ARHGAP22: variants seen among roughly 807,000 people sequenced by gnomAD.
ARHGAP22 encodes Rho GTPase activating protein 22, also known as rho GTPase-activating protein 22.
In ARHGAP22, 48 loss-of-function variants were observed where a neutral mutation model predicts 59.1. The observed-to-expected ratio is 0.81, with a 90% confidence interval of 0.64 to 1.03. The LOEUF (loss-of-function observed/expected upper bound fraction) is 1.03, where lower values mean the gene tolerates loss of function less well. Among genes scored for constraint, ARHGAP22 ranks in the 50% least tolerant of loss-of-function variants. The pLI is 0.00. For synonymous variants in ARHGAP22, 445 were observed against 416.4 expected (o/e 1.07, Z -0.84); for missense variants, 1,015 against 958.7 (o/e 1.06, Z -0.78).
At chr10:48,595,793 G>A (rs1336343409) in intron 1 of ARHGAP22, among the ~76,000 whole-genome samples, 1 of 152,082 alleles carries the variant, frequency 6.6e-6, no homozygotes, top group East Asian at 1.9e-4. Flanking sequence ...TTACAGGCAT[G>A]AGCTACTACA....
At chr10:48,548,226 A>G (rs932256120) in intron 3 of ARHGAP22, among the ~76,000 whole-genome samples, 2 of 151,894 alleles carry the variant, frequency 1.3e-5, no homozygotes, top group African/African-American at 2.4e-5. Context: ...TGCCCCTTCC[A>G]CAAGTGTCAC....
intron 1 of ARHGAP22, among the ~76,000 whole-genome samples, chr10:48,601,990 A>G (rs1048267565): frequency 6.6e-6 from 1 of 152,254 alleles, no homozygotes; most frequent in African/African-American, 2.4e-5. Context: ...AGGCCTTAGC[A>G]TTGGACAGAC....
intron 2 of ARHGAP22, among the ~76,000 whole-genome samples, chr10:48,566,277 C>A (rs1025091819): frequency 6.6e-6 from 1 of 152,136 alleles, no homozygotes; most frequent in African/African-American, 2.4e-5. Context: ...GGCCTCAGAT[C>A]AATCTTAAAA....
In ARHGAP22 at chr10:48,450,553, G is replaced by C. The variant is rs1426343305; in HGVS notation, c.1576C>G (p.Leu526Val). The C allele has an allele frequency of 2.0e-6, 3 of 1,524,146 alleles. No homozygotes were observed. In the African/African-American group the frequency reaches 4.1e-5, roughly 21 times the overall value. 94.4% of individuals were successfully genotyped at this position (1,524,146 alleles called of 1,614,324 possible). A position where few individuals can be genotyped will look rare whatever the true frequency, so the allele number is the denominator to read the frequency against. ...GCGCGGCAGGCCGTGCAGCTGCTGA[G>C]TGAGCCCCCCACCGACGACTCGCTG... ...SSSESSVGGSLSSCTACRASD... is the reference protein window; with the variant it reads ...SSSESSVGGSVSSCTACRASD... Residue 526 changes from leucine to valine, a missense_variant, in exon 9 of 10, where the codon CTC (leucine) becomes GTC (valine). Transcript: ENST00000249601.
At chr10:48,483,907 T>C (rs1284851499) in intron 3 of ARHGAP22, among the ~76,000 whole-genome samples, 2 of 152,260 alleles carry the variant, frequency 1.3e-5, no homozygotes, top group African/African-American at 2.4e-5. Flanking sequence ...TATTTTTGTT[T>C]TTGTTGCCTG....
chr10:48,536,987 A>AT (rs2055418856), intron 3 of ARHGAP22, among the ~76,000 whole-genome samples: 1 of 151,950 alleles, frequency 6.6e-6, no homozygotes, highest in Non-Finnish European at 1.5e-5. Flanking sequence ...AGGCCACTCA[A>AT]TAAAAAAAAA....
intron 1 of ARHGAP22, among the ~76,000 whole-genome samples, chr10:48,615,757 A>G (rs548686659): frequency 4.6e-5 from 7 of 152,316 alleles, no homozygotes; most frequent in African/African-American, 1.7e-4. Flanking sequence ...TAATTGGGAG[A>G]ATGATGTATC....
chr10:48,576,663 G>A (rs547904692), intron 2 of ARHGAP22, among the ~76,000 whole-genome samples: 12 of 152,212 alleles, frequency 7.9e-5, no homozygotes, highest in Admixed American at 2.6e-4. Context: ...GAAGAATCAA[G>A]AGTTCTACAC....
intron 3 of ARHGAP22, among the ~76,000 whole-genome samples, chr10:48,529,706 G>C (rs193194446): frequency 4.6e-5 from 7 of 152,284 alleles, no homozygotes; most frequent in Admixed American, 6.5e-5. Context: ...AGAACAGTGA[G>C]CAAATAAAAT....
chr10:48,452,764 G>A (rs1363972090), intron 8 of ARHGAP22, among the ~76,000 whole-genome samples: 2 of 152,202 alleles, frequency 1.3e-5, no homozygotes, highest in African/African-American at 4.8e-5. Flanking sequence ...TGTAAAGTGG[G>A]GGCGATTACC....
intron 1 of ARHGAP22, among the ~76,000 whole-genome samples, chr10:48,645,397 A>C (rs2062249888): frequency 6.6e-6 from 1 of 152,230 alleles, no homozygotes; most frequent in African/African-American, 2.4e-5. Context: ...ATTCAGCAAG[A>C]TATAAAAAGG....
chr10:48,557,647 A>C (rs2057392462), intron 2 of ARHGAP22, among the ~76,000 whole-genome samples: 1 of 152,156 alleles, frequency 6.6e-6, no homozygotes, highest in South Asian at 2.1e-4. Context: ...TATCTTTATC[A>C]TGGCAGCCAC....
intron 1 of ARHGAP22, among the ~76,000 whole-genome samples, chr10:48,627,500 T>C (rs922621344): frequency 2.6e-5 from 4 of 152,218 alleles, no homozygotes; most frequent in Non-Finnish European, 5.9e-5. Flanking sequence ...AGGATGTCTG[T>C]ACTCACTCTA....
chr10:48,557,233 G>T (rs1449676758), intron 2 of ARHGAP22, among the ~76,000 whole-genome samples: 1 of 152,122 alleles, frequency 6.6e-6, no homozygotes, highest in Non-Finnish European at 1.5e-5. Flanking sequence ...TCCATCACTG[G>T]CTAACGGGAT....
At chr10:48,479,513 A>C (rs4240511) in intron 4 of ARHGAP22, 123 bp downstream of exon 4, 1,528,144 of 1,553,824 alleles carry the variant, frequency 0.98, 754,712 homozygotes, top group East Asian at 1. Flanking sequence ...CTGCTGTGAG[A>C]AGCACAGGAT....
At chr10:48,512,820 G>A (rs921130726) in intron 3 of ARHGAP22, among the ~76,000 whole-genome samples, 2 of 152,096 alleles carry the variant, frequency 1.3e-5, no homozygotes, top group African/African-American at 4.8e-5. Context: ...CCAAGCCCTC[G>A]GGTACCTTAA....
intron 2 of ARHGAP22, among the ~76,000 whole-genome samples, chr10:48,557,806 C>T (rs1053113045): frequency 3.3e-5 from 5 of 152,222 alleles, no homozygotes; most frequent in African/African-American, 1.2e-4. Flanking sequence ...CCTCTGCCTC[C>T]CACAGGTCAA....
intron 3 of ARHGAP22, among the ~76,000 whole-genome samples, chr10:48,506,933 C>T (rs960375674): frequency 2.6e-5 from 4 of 152,304 alleles, no homozygotes; most frequent in East Asian, 1.9e-4. Flanking sequence ...CTTAGTTCAG[C>T]GCTATTCCCC....
At chr10:48,470,630 C>CT (rs1371824896) in intron 4 of ARHGAP22, among the ~76,000 whole-genome samples, 1 of 152,204 alleles carries the variant, frequency 6.6e-6, no homozygotes, top group African/African-American at 2.4e-5. Context: ...TACATGGACC[C>CT]TTAGGGCCCA....
Sources: gnomAD v4.1 joint callset for allele counts (sites outside exome capture counted in the v4.1 genomes callset) on GRCh38, gnomAD v4.1.1 for gene constraint, MANE v1.5 for transcripts, NCBI Gene and HGNC (gene_info 2026-07-23, HGNC 2026-07-21) for gene names.